XXYLT1: variants seen among roughly 807,000 people sequenced by gnomAD.
The protein encoded by XXYLT1 is UDP-xylose:alpha-xyloside alpha-1,3-xylosyltransferase.
Under a neutral mutation model 28.9 loss-of-function variants are expected in XXYLT1, and 20 were observed. That is an observed-to-expected ratio of 0.69 (90% CI 0.49 to 1.00). The LOEUF is 1.00. Among genes scored for constraint, XXYLT1 ranks in the 50% least tolerant of loss-of-function variants. The pLI is 0.00. For missense variants in XXYLT1, 542 were observed against 560.1 expected, an observed-to-expected ratio of 0.97 and a Z score of 0.33; for synonymous variants, 257 against 253.8, an observed-to-expected ratio of 1.01 and a Z score of -0.12.
chr3:195,106,063 TTTAAA>T (rs1237561566), intron 3 of XXYLT1, among the ~76,000 whole-genome samples: 1 of 152,382 alleles, frequency 6.6e-6, no homozygotes, highest in East Asian at 1.9e-4. Flanking sequence ...AAAAGAATAC[TTTAAA>T]TTAAACGTGG....
At chr3:195,226,216 C>A (rs1724043172) in intron 2 of XXYLT1, among the ~76,000 whole-genome samples, 1 of 152,190 alleles carries the variant, frequency 6.6e-6, no homozygotes. Flanking sequence ...GACAGACGCC[C>A]AGAAAATCCT....
intron 3 of XXYLT1, among the ~76,000 whole-genome samples, chr3:195,138,967 G>A (rs549930264): frequency 6.6e-6 from 1 of 152,150 alleles, no homozygotes; most frequent in African/African-American, 2.4e-5. Flanking sequence ...ATCCTCAAGG[G>A]CCCCAAGTGT....
chr3:195,079,325 A>G (rs1715297949), intron 3 of XXYLT1, among the ~76,000 whole-genome samples: 1 of 152,158 alleles, frequency 6.6e-6, no homozygotes, highest in Non-Finnish European at 1.5e-5. Flanking sequence ...AACAGAGGAC[A>G]GAGGGGAGGA....
chr3:195,229,681 A>C, intron 1 of XXYLT1, among the ~76,000 whole-genome samples: 1 of 152,188 alleles, frequency 6.6e-6, no homozygotes, highest in South Asian at 2.1e-4. Flanking sequence ...TAACAAAACG[A>C]TCTCCGGTTC....
At chr3:195,262,363 A>G (rs1487791140) in intron 1 of XXYLT1, among the ~76,000 whole-genome samples, 14 of 152,186 alleles carry the variant, frequency 9.2e-5, no homozygotes, top group Non-Finnish European at 1.8e-4. Flanking sequence ...TAATGGATAC[A>G]GGGTTTCTGA....
At chr3:195,128,786 T>TC (rs1246292288) in intron 3 of XXYLT1, among the ~76,000 whole-genome samples, 2 of 152,194 alleles carry the variant, frequency 1.3e-5, no homozygotes, top group Non-Finnish European at 2.9e-5. Context: ...CTTGAATGTC[T>TC]CCCCCCTTGT....
At chr3:195,083,945 G>C (rs1029066314) in intron 3 of XXYLT1, among the ~76,000 whole-genome samples, 1 of 152,092 alleles carries the variant, frequency 6.6e-6, no homozygotes, top group Admixed American at 6.5e-5. Flanking sequence ...AGCATGGTTT[G>C]AACCCAGGAG....
chr3:195,169,715 C>G (rs1721301258), intron 2 of XXYLT1, among the ~76,000 whole-genome samples: 1 of 152,028 alleles, frequency 6.6e-6, no homozygotes, highest in African/African-American at 2.4e-5. Context: ...TCCTAGTTTT[C>G]TACTATATAC....
chr3:195,201,055 T>C (rs1208161553), intron 2 of XXYLT1, among the ~76,000 whole-genome samples: 2 of 152,144 alleles, frequency 1.3e-5, no homozygotes, highest in East Asian at 3.8e-4. Context: ...TTTAACTCAA[T>C]TTAAAAAAAA....
intron 1 of XXYLT1, among the ~76,000 whole-genome samples, chr3:195,264,875 G>A (rs1725793903): frequency 6.6e-6 from 1 of 152,136 alleles, no homozygotes; most frequent in South Asian, 2.1e-4. Context: ...GAAAGAAGGT[G>A]AGATCCCATC....
chr3:195,106,743 T>G (rs549287786), intron 3 of XXYLT1, among the ~76,000 whole-genome samples: 1 of 152,342 alleles, frequency 6.6e-6, no homozygotes, highest in Non-Finnish European at 1.5e-5. Flanking sequence ...TCCACACTTC[T>G]TTCACCACTG....
chr3:195,105,488 CG>C (rs1442112903), intron 3 of XXYLT1, among the ~76,000 whole-genome samples: 1 of 152,186 alleles, frequency 6.6e-6, no homozygotes, highest in Non-Finnish European at 1.5e-5. Context: ...CAAAGGGCCA[CG>C]TGAAGTCCAC....
intron 3 of XXYLT1, among the ~76,000 whole-genome samples, chr3:195,098,626 T>C (rs1294986824): frequency 2.0e-5 from 3 of 152,236 alleles, no homozygotes; most frequent in Non-Finnish European, 2.9e-5. Context: ...CTCTTCACAG[T>C]GGCAGAGGAG....
At chr3:195,183,285 C>T (rs548028030) in intron 2 of XXYLT1, among the ~76,000 whole-genome samples, 1 of 152,282 alleles carries the variant, frequency 6.6e-6, no homozygotes, top group South Asian at 2.1e-4. Flanking sequence ...TTCCCCCACG[C>T]TGTTCTAGTA....
intron 3 of XXYLT1, among the ~76,000 whole-genome samples, chr3:195,138,857 G>GAAAAAAAAAAAA (rs552573280): frequency 3.6e-5 from 3 of 84,144 alleles, no homozygotes; most frequent in Admixed American, 1.4e-4. Flanking sequence ...TCTGCCTCAG[G>GAAAAAAAAAAAA]AAAAAAAAAA....
intron 2 of XXYLT1, among the ~76,000 whole-genome samples, chr3:195,185,755 CTGAGTGCTTGCAAG>C (rs1369392391): frequency 1.4e-5 from 2 of 147,492 alleles, no homozygotes; most frequent in African/African-American, 5.4e-5. Context: ...CCGGTCCTTC[CTGAGTGCTTGCAAG>C]TGAGCCCAAC....
Position 195,069,720 on chromosome 3 carries a change from C to T in XXYLT1, c.1177G>A (p.Asp393Asn), listed in dbSNP as rs780119116. Residue 393 changes from aspartate to asparagine, a missense_variant, in exon 4 of 4, where the codon GAC (aspartate) becomes AAC (asparagine). Transcript: ENST00000310380. Reference sequence around the variant, plus strand: ...GGGCAAGGCACGGGGAGCGCCTAGTCCTCCGGGATGGGAGTGTTGCAGTTC... The same window carrying T: ...GGGCAAGGCACGGGGAGCGCCTAGTTCTCCGGGATGGGAGTGTTGCAGTTC... ...HGNCNTPIPE[D>N] is the part of the protein sequence containing the mutation. The T allele has an allele frequency of 6.2e-7, 1 of 1,611,328 alleles. No homozygotes were observed. Among genetic ancestry groups the T allele is most frequent in the East Asian group, 2.2e-5 (1 of 44,872 alleles).
chr3:195,080,737 G>T (rs1247219514), intron 3 of XXYLT1, among the ~76,000 whole-genome samples: 1 of 152,168 alleles, frequency 6.6e-6, no homozygotes, highest in Non-Finnish European at 1.5e-5. Flanking sequence ...GGCAGGGAGG[G>T]TATGTGTGGA....
At chr3:195,214,132 A>G (rs972181213) in intron 2 of XXYLT1, among the ~76,000 whole-genome samples, 4 of 152,170 alleles carry the variant, frequency 2.6e-5, no homozygotes, top group Non-Finnish European at 5.9e-5. Context: ...CCTGAGGGGT[A>G]GAGAAGACAG....
Sources: gnomAD v4.1 joint callset for allele counts (sites outside exome capture counted in the v4.1 genomes callset) on GRCh38, gnomAD v4.1.1 for gene constraint, MANE v1.5 for transcripts, NCBI Gene and HGNC (gene_info 2026-07-23, HGNC 2026-07-21) for gene names.